RASA2: variants seen among roughly 807,000 people sequenced by gnomAD.
The protein encoded by RASA2 is RAS p21 protein activator 2, also known as ras GTPase-activating protein 2.
Under a neutral mutation model 118.2 loss-of-function variants are expected in RASA2, and 155 were observed. The ratio of observed to expected loss-of-function variants is 1.31; its 90% CI spans 1.15 to 1.50. The LOEUF (loss-of-function observed/expected upper bound fraction) is 1.50. Ranked by LOEUF, RASA2 falls within the 40% of genes most tolerant of loss-of-function variation. The pLI is 0.00. For missense variants in RASA2, 1,016 were observed against 1,009.6 expected (o/e 1.01, Z -0.09); for synonymous variants, 353 against 349.1 (o/e 1.01, Z -0.12).
intron 1 of RASA2, among the ~76,000 whole-genome samples, chr3:141,509,026 T>A (rs936125374): frequency 6.6e-6 from 1 of 152,220 alleles, no homozygotes; most frequent in Non-Finnish European, 1.5e-5. Context: ...ACTTTTATTA[T>A]ATCTGTAACC....
chr3:141,573,939 T>C lies in RASA2; in HGVS notation c.1360-5T>C. On this transcript the variant is annotated splice_region_variant and splice_polypyrimidine_tract_variant and intron_variant, in intron 13 of 23. Coordinates refer to ENST00000286364, the MANE Select transcript of RASA2 (RefSeq NM_006506.5). ...TCTTAATGTTTACCTTTTTAAATCCTGCAGGAGAATCTGCGCTACTATGTA... is the reference window on the plus strand; with the variant it reads ...TCTTAATGTTTACCTTTTTAAATCCCGCAGGAGAATCTGCGCTACTATGTA... 6.4e-7 allele frequency: 1 copy of C among 1,572,828 alleles called. No homozygotes were observed. Among genetic ancestry groups the C allele is most frequent in the Non-Finnish European group, 8.6e-7 (1 of 1,158,118 alleles).
chr3:141,502,657 T>TA (rs1315725504), intron 1 of RASA2, among the ~76,000 whole-genome samples: 1 of 152,172 alleles, frequency 6.6e-6, no homozygotes, highest in African/African-American at 2.4e-5. Flanking sequence ...GAAGATTAAG[T>TA]AAAATAATAT....
intron 19 of RASA2, among the ~76,000 whole-genome samples, chr3:141,588,803 T>A (rs1238658580): frequency 6.6e-6 from 1 of 152,042 alleles, no homozygotes; most frequent in Non-Finnish European, 1.5e-5. Flanking sequence ...TAACTAAAAG[T>A]CAATAGGCTA....
chr3:141,494,958 A>C (rs1284753459), intron 1 of RASA2, among the ~76,000 whole-genome samples: 1 of 152,214 alleles, frequency 6.6e-6, no homozygotes, highest in African/African-American at 2.4e-5. Context: ...GTCAGTTGTA[A>C]GTTTCATCTA....
At chr3:141,565,503 T>C (rs1043658039) in intron 9 of RASA2, among the ~76,000 whole-genome samples, 1 of 152,204 alleles carries the variant, frequency 6.6e-6, no homozygotes, top group Admixed American at 6.5e-5. Flanking sequence ...CAGGTGAAGA[T>C]AATTGAATCA....
intron 19 of RASA2, among the ~76,000 whole-genome samples, chr3:141,596,203 A>G (rs183606782): frequency 5.8e-4 from 88 of 152,352 alleles, no homozygotes; most frequent in African/African-American, 2.1e-3. Flanking sequence ...ATTAATGACA[A>G]TATGATACCT....
chr3:141,535,514 T>C (rs1296888558), intron 4 of RASA2, among the ~76,000 whole-genome samples: 2 of 152,192 alleles, frequency 1.3e-5, no homozygotes, highest in African/African-American at 4.8e-5. Flanking sequence ...TTAGTCCATT[T>C]TTGTGTTGCT....
At chr3:141,555,761 C>T in intron 6 of RASA2, 79 bp from the exon 7 acceptor site, 1 of 1,216,846 alleles carries the variant, frequency 8.2e-7, no homozygotes, top group Non-Finnish European at 1.2e-6. Flanking sequence ...GGAGGTCAGG[C>T]TCCCTGGTTG....
At chr3:141,605,022 C>G (rs2083525329) in intron 19 of RASA2, among the ~76,000 whole-genome samples, 1 of 152,042 alleles carries the variant, frequency 6.6e-6, no homozygotes, top group Non-Finnish European at 1.5e-5. Flanking sequence ...CCATTGTTTA[C>G]TAGCTTCCAT....
rs1171603818 is a variant in RASA2, at chr3:141,608,540, T to C, written c.2068T>C (p.Cys690Arg). 1.2e-6 allele frequency: 2 copies of C among 1,613,982 alleles called. No individual in the cohort carries two copies. The highest frequency in any genetic ancestry group is 1.7e-6 in the Non-Finnish European group (2 of 1,179,904). The stretch of plus-strand genomic sequence containing the variant: ...ACCACTCTATGTCCAGGCAAATAAC[T>C]GTGTAGAAGCTAATGAATGGATAGA... ...EKPLYVQANN[C>R]VEANEWIDVL... Residue 690 changes from cysteine (C) to arginine (R), a missense_variant, in exon 21 of 24, where the codon TGT becomes CGT. Transcript: ENST00000286364.
intron 7 of RASA2, among the ~76,000 whole-genome samples, chr3:141,558,632 A>G (rs527392052): frequency 7.4e-4 from 113 of 152,216 alleles, no homozygotes; most frequent in African/African-American, 2.6e-3. Flanking sequence ...GAAGACCATA[A>G]TTTAAGGGGA....
At chr3:141,554,884 A>G (rs762376019) in intron 6 of RASA2, among the ~76,000 whole-genome samples, 2 of 152,112 alleles carry the variant, frequency 1.3e-5, no homozygotes, top group Non-Finnish European at 2.9e-5. Flanking sequence ...TAGTGGAGCT[A>G]TTTTTGTTTT....
intron 19 of RASA2, among the ~76,000 whole-genome samples, chr3:141,598,981 G>T (rs1213333023): frequency 6.6e-6 from 1 of 151,980 alleles, no homozygotes; most frequent in East Asian, 1.9e-4. Flanking sequence ...CCAGTTACTC[G>T]GGAGGCTGAG....
At chr3:141,543,037 AATT>A (rs2082428837) in intron 5 of RASA2, among the ~76,000 whole-genome samples, 1 of 151,942 alleles carries the variant, frequency 6.6e-6, no homozygotes, top group Admixed American at 6.5e-5. Context: ...TTTTTAATGT[AATT>A]ATTGAATATT....
intron 19 of RASA2, among the ~76,000 whole-genome samples, chr3:141,596,193 A>G (rs2083364810): frequency 6.6e-6 from 1 of 152,234 alleles, no homozygotes; most frequent in Non-Finnish European, 1.5e-5. Context: ...TCACAACAGA[A>G]TTAATGACAA....
At chr3:141,558,224 A>G (rs183271454) in intron 7 of RASA2, among the ~76,000 whole-genome samples, 7 of 152,332 alleles carry the variant, frequency 4.6e-5, no homozygotes, top group Admixed American at 3.9e-4. Flanking sequence ...GAGATAATGC[A>G]TGTGAAAGCA....
At chr3:141,488,962 C>G (rs1034704365) in intron 1 of RASA2, among the ~76,000 whole-genome samples, 2 of 152,132 alleles carry the variant, frequency 1.3e-5, no homozygotes, top group Non-Finnish European at 2.9e-5. Flanking sequence ...CTTAGTTGTC[C>G]TGTGCTTTTG....
intron 6 of RASA2, among the ~76,000 whole-genome samples, chr3:141,554,974 AG>A (rs2151114856): frequency 6.6e-6 from 1 of 152,314 alleles, no homozygotes; most frequent in East Asian, 1.9e-4. Flanking sequence ...TGTTTTAAAA[AG>A]TCTGGCCAGG....
intron 1 of RASA2, among the ~76,000 whole-genome samples, chr3:141,507,871 A>G (rs561385996): frequency 6.6e-6 from 1 of 152,336 alleles, no homozygotes; most frequent in South Asian, 2.1e-4. Context: ...TGTAGCCACA[A>G]GAGAGGCTGG....
Sources: gnomAD v4.1 joint callset for allele counts (sites outside exome capture counted in the v4.1 genomes callset) on GRCh38, gnomAD v4.1.1 for gene constraint, MANE v1.5 for transcripts, NCBI Gene and HGNC (gene_info 2026-07-23, HGNC 2026-07-21) for gene names.